FAM20B: variants seen among roughly 807,000 people sequenced by gnomAD.
The protein encoded by FAM20B is glycosaminoglycan xylosylkinase.
FAM20B carries 23 observed loss-of-function variants against 43.8 expected under a neutral mutation model. The observed-to-expected ratio is 0.53, with a 90% confidence interval of 0.38 to 0.74. The LOEUF is 0.74. Ranked by LOEUF, FAM20B falls within the 30% of genes least tolerant of loss-of-function variation. The pLI, the probability that FAM20B is intolerant of heterozygous loss-of-function variation, is 0.00. For synonymous variants in FAM20B, 178 were observed against 192.4 expected (o/e 0.93, Z 0.62); for missense variants, 440 against 510.5 (o/e 0.86, Z 1.33).
intron 6 of FAM20B, among the ~76,000 whole-genome samples, chr1:179,066,027 A>G (rs1651676098): frequency 6.6e-6 from 1 of 152,104 alleles, no homozygotes; most frequent in Non-Finnish European, 1.5e-5. Context: ...ATCATCTCCC[A>G]AAGGCCCTAC....
At chr1:179,060,586 G>C (rs6681864) in intron 4 of FAM20B, among the ~76,000 whole-genome samples, 3,204 of 152,160 alleles carry the variant, frequency 0.021, 130 homozygotes, top group African/African-American at 0.075. Context: ...AATACCTGAT[G>C]ATCTGACATG....
At chr1:179,020,430 C>A in the FAM20B span, among the ~76,000 whole-genome samples, 12 of 152,226 alleles carry the variant, frequency 7.9e-5, no homozygotes, top group Admixed American at 7.8e-4. Flanking sequence ...ACATCTTTCT[C>A]ATCCTTGCTC....
intron 3 of FAM20B, among the ~76,000 whole-genome samples, chr1:179,053,788 TA>T (rs1303120219): frequency 6.6e-6 from 1 of 152,184 alleles, no homozygotes; most frequent in Admixed American, 6.5e-5. Context: ...ATCTCGATTG[TA>T]TGTATATACG....
At chr1:179,029,070 T>C (rs1649904226) in intron 1 of FAM20B, among the ~76,000 whole-genome samples, 1 of 152,382 alleles carries the variant, frequency 6.6e-6, no homozygotes, top group South Asian at 2.1e-4. Flanking sequence ...CAGTCTGTTC[T>C]GGCTAGGCTA....
At chr1:179,068,514 C>T (rs965945390) in intron 7 of FAM20B, among the ~76,000 whole-genome samples, 2 of 151,988 alleles carry the variant, frequency 1.3e-5, no homozygotes, top group African/African-American at 4.8e-5. Flanking sequence ...CGGCTCACTG[C>T]AGCCTCCACC....
the FAM20B span, among the ~76,000 whole-genome samples, chr1:179,019,119 A>G: frequency 2.0e-4 from 30 of 152,314 alleles, no homozygotes; most frequent in African/African-American, 5.8e-4. Context: ...GACTCAGTTC[A>G]CCAATTCAAA....
intron 4 of FAM20B, among the ~76,000 whole-genome samples, chr1:179,062,123 C>T (rs1349416049): frequency 2.0e-5 from 3 of 152,074 alleles, no homozygotes; most frequent in Admixed American, 6.6e-5. Context: ...CCTCCTGCCT[C>T]AGCCTTCCAA....
At chr1:179,018,003 G>A in the FAM20B span, among the ~76,000 whole-genome samples, 4 of 152,206 alleles carry the variant, frequency 2.6e-5, no homozygotes, top group African/African-American at 9.6e-5. Context: ...GTAAGCTGCT[G>A]ATTAGCAGGC....
At position 179,064,008 on chromosome 1, in the gene FAM20B, G is replaced by C. The variant is rs1442414288; in HGVS notation, c.656G>C (p.Gly219Ala). ...PACADGDIME[G>A]SVTLWLPDVW... ...TGTGCTGATGGAGACATAATGGAGG[G>C]ATCTGTCACACTTTGGCTTCCAGAT... The change falls in exon 5 of 8, where the codon GGA (glycine) becomes GCA (alanine). Residue 219 changes from glycine to alanine, a missense_variant. Transcript: ENST00000263733. 6.2e-7 allele frequency: 1 copy of C among 1,613,674 alleles called. No individual in the cohort carries two copies. Among genetic ancestry groups the C allele is most frequent in the Non-Finnish European group, 8.5e-7 (1 of 1,179,608 alleles).
intron 3 of FAM20B, among the ~76,000 whole-genome samples, chr1:179,050,594 T>G (rs1650964680): frequency 6.6e-6 from 1 of 152,250 alleles, no homozygotes; most frequent in African/African-American, 2.4e-5. Context: ...ATTTCATTTC[T>G]GGCCTGCTCT....
intron 2 of FAM20B, among the ~76,000 whole-genome samples, chr1:179,045,871 G>C (rs1426894430): frequency 1.3e-5 from 2 of 151,338 alleles, no homozygotes; most frequent in African/African-American, 2.4e-5. Flanking sequence ...TCCAGCCTGG[G>C]TGACAGAGTG....
intron 2 of FAM20B, among the ~76,000 whole-genome samples, chr1:179,047,394 A>G (rs998819640): frequency 1.3e-5 from 2 of 152,066 alleles, no homozygotes; most frequent in African/African-American, 4.8e-5. Context: ...TGCCCACCAG[A>G]CAAAACCCAG....
chr1:179,037,580 G>A (rs1464922214), intron 1 of FAM20B, among the ~76,000 whole-genome samples: 3 of 141,174 alleles, frequency 2.1e-5, no homozygotes, highest in Non-Finnish European at 4.5e-5. Context: ...TCCCTCCCAG[G>A]TTCAAGCTAT....
chr1:179,034,400 CTCTT>C (rs1001415633), intron 1 of FAM20B, among the ~76,000 whole-genome samples: 1 of 151,994 alleles, frequency 6.6e-6, no homozygotes, highest in African/African-American at 2.4e-5. Flanking sequence ...CTCTCTCTCT[CTCTT>C]TTTTTTTAAT....
At chr1:179,041,719 G>A (rs1211110984) in intron 1 of FAM20B, among the ~76,000 whole-genome samples, 5 of 151,516 alleles carry the variant, frequency 3.3e-5, no homozygotes, top group Non-Finnish European at 5.9e-5. Context: ...GACAGGAGAC[G>A]GGAGACGGGC....
Position 179,072,569 on chromosome 1 carries a change from T to TA in FAM20B, c.*426dup, listed in dbSNP as rs1439753336. The TA allele has an allele frequency of 3.0e-5, 5 of 167,360 alleles. No individual in the cohort carries two copies. The highest frequency in any genetic ancestry group is 2.4e-4 in the Admixed American group (4 of 16,856). The allele number at this position is 167,360 out of a possible 1,614,324, so 10.4% of individuals were successfully genotyped here. ...GCAATCTCTTTGTCTTTTTTTTTTT[T>TA]ACCAGAACTAGTTACATTGGAATGC... is the stretch of plus-strand genomic sequence containing the variant. On this transcript the variant is annotated 3_prime_UTR_variant, in exon 8 of 8. Transcript: ENST00000263733.
rs966212294 is a variant in FAM20B, at chr1:179,063,589, AAACAAC to A, written c.575-326_575-321del. On this transcript the variant is annotated intron_variant, in intron 4 of 7. Transcript: ENST00000263733. ...GATGACAAAGCCAGACCCTGTCTCA[AAACAAC>A]AACAACAACAAAAACAAAACAAACA... 4.6e-5 allele frequency among the ~76,000 whole-genome samples: 7 copies of A among 152,274 alleles called. 1 individual carries two copies. In the South Asian group the frequency reaches 1.5e-3, roughly 32 times the overall value.
At chr1:179,071,222 G>T (rs1430395006) in intron 7 of FAM20B, among the ~76,000 whole-genome samples, 1 of 151,302 alleles carries the variant, frequency 6.6e-6, no homozygotes, top group Non-Finnish European at 1.5e-5. Context: ...CGTGAACCCG[G>T]GAGGCAGAGC....
chr1:179,044,958 G>T (rs1650702509), intron 2 of FAM20B, among the ~76,000 whole-genome samples: 1 of 152,114 alleles, frequency 6.6e-6, no homozygotes, highest in African/African-American at 2.4e-5. Flanking sequence ...TCCTCACCAG[G>T]GTTTGGCATC....
Sources: allele counts gnomAD v4.1 joint callset (sites outside exome capture counted in the v4.1 genomes callset), GRCh38; gene constraint gnomAD v4.1.1; transcripts MANE v1.5; gene names NCBI Gene and HGNC (gene_info 2026-07-23, HGNC 2026-07-21).